The following ANO3 variants were observed in gnomAD, a reference collection of about 807,000 sequenced individuals.
The protein encoded by ANO3 is anoctamin 3, also known as anoctamin-3.
A neutral mutation model predicts 144.8 loss-of-function variants in ANO3; 99 were observed. The observed-to-expected ratio is 0.68, with a 90% CI of 0.58 to 0.81. The LOEUF is 0.81. Ranked by LOEUF, ANO3 falls within the 30% of genes least tolerant of loss-of-function variation. The probability of loss-of-function intolerance (pLI) is 0.00; values close to 1 mark genes in which losing one functional copy is unlikely to be tolerated. For synonymous variants in ANO3, 414 were observed against 392.6 expected, an observed-to-expected ratio of 1.05 and a Z score of -0.64; for missense variants, 905 against 1,202.2, an observed-to-expected ratio of 0.75 and a Z score of 3.66.
Position 26,534,565 on chromosome 11 carries a change from A to G in ANO3, c.976+3A>G. On this transcript the variant is annotated splice_donor_region_variant and intron_variant, in intron 9 of 26. Coordinates refer to ENST00000256737, the MANE Select transcript of ANO3 (RefSeq NM_031418.4). ...TGAAAATGGAATATCAAAAGTGGGT[A>G]AGAACATTAATTAATAACAGAGTAG... The G allele has an allele frequency of 1.9e-6, 3 of 1,591,206 alleles. No homozygotes were observed. Among genetic ancestry groups the G allele is most frequent in the East Asian group, 4.5e-5 (2 of 44,666 alleles).
chr11:26,493,749 C>G (rs901568028), intron 4 of ANO3, among the ~76,000 whole-genome samples: 1 of 152,128 alleles, frequency 6.6e-6, no homozygotes, highest in Non-Finnish European at 1.5e-5. Context: ...TCTAACTTGG[C>G]CTTCCTTTCT....
chr11:26,580,576 C>G (rs771090731), intron 14 of ANO3, among the ~76,000 whole-genome samples: 1 of 152,196 alleles, frequency 6.6e-6, no homozygotes, highest in South Asian at 2.1e-4. Flanking sequence ...AAAGAAGGCT[C>G]TGATAACTAT....
intron 1 of ANO3, among the ~76,000 whole-genome samples, chr11:26,204,422 C>G (rs1564915624): frequency 6.6e-6 from 1 of 152,116 alleles, no homozygotes; most frequent in South Asian, 2.1e-4. Context: ...GAGGACACCT[C>G]CAACTCTGTC....
At chr11:26,528,641 C>T (rs1400394790) in intron 7 of ANO3, among the ~76,000 whole-genome samples, 3 of 152,240 alleles carry the variant, frequency 2.0e-5, no homozygotes, top group African/African-American at 7.2e-5. Context: ...AATGGAATTA[C>T]TCTCTGTCTT....
At chr11:26,536,121 ACC>A (rs2134194082) in intron 9 of ANO3, among the ~76,000 whole-genome samples, 1 of 151,560 alleles carries the variant, frequency 6.6e-6, no homozygotes, top group Middle Eastern at 3.4e-3. Context: ...GGGGTTCAAG[ACC>A]AGCCTGGCCA....
At position 26,508,270 on chromosome 11, in the gene ANO3, C is replaced by T. The variant is rs951674802; in HGVS notation, c.591+8C>T. 2 of 1,576,842 alleles carry T rather than the reference C, an allele frequency of 1.3e-6. No homozygotes were observed. The highest frequency in any genetic ancestry group is 8.6e-7 in the Non-Finnish European group (1 of 1,169,220). ...TTGATGTTGGAGAAGGAGGTAGGTGCTTTACTATTATTAGTTATGTGATAA... is the reference window on the plus strand; with the variant it reads ...TTGATGTTGGAGAAGGAGGTAGGTGTTTTACTATTATTAGTTATGTGATAA... On this transcript the variant is annotated splice_region_variant and intron_variant, in intron 5 of 26. Transcript: ENST00000256737.
intron 22 of ANO3, among the ~76,000 whole-genome samples, chr11:26,642,266 C>G (rs1853181115): frequency 6.6e-6 from 1 of 151,832 alleles, no homozygotes; most frequent in South Asian, 2.1e-4. Context: ...CAGTGGAACA[C>G]CTATTTTATG....
chr11:26,634,106 A>T, intron 18 of ANO3, 98 bp from the exon 19 acceptor site: 1 of 592,206 alleles, frequency 1.7e-6, no homozygotes, highest in African/African-American at 1.9e-5. Flanking sequence ...AAATTAAATT[A>T]AAAAGACAAA....
At chr11:26,508,057 C>T in intron 4 of ANO3, 47 bp from the exon 5 acceptor site, 1 of 1,524,858 alleles carries the variant, frequency 6.6e-7, no homozygotes, top group Non-Finnish European at 8.7e-7. Flanking sequence ...CTAAAACATA[C>T]ATGCTTGTCT....
At chr11:26,425,534 T>A (rs78955513) in intron 1 of ANO3, among the ~76,000 whole-genome samples, 1,996 of 152,228 alleles carry the variant, frequency 0.013, 38 homozygotes, top group African/African-American at 0.045. Flanking sequence ...AAGGTAAATA[T>A]AACTACTGAA....
At chr11:26,375,300 C>T (rs749041899) in intron 1 of ANO3, among the ~76,000 whole-genome samples, 1 of 152,162 alleles carries the variant, frequency 6.6e-6, no homozygotes, top group Admixed American at 6.5e-5. Context: ...GTTTTGCTCA[C>T]TTGCCTGCCA....
At chr11:26,641,482 G>A (rs1273490623) in intron 21 of ANO3, among the ~76,000 whole-genome samples, 5 of 152,152 alleles carry the variant, frequency 3.3e-5, no homozygotes, top group Non-Finnish European at 5.9e-5. Flanking sequence ...GAAAGGGTCA[G>A]ACCTAATCAC....
intron 18 of ANO3, among the ~76,000 whole-genome samples, chr11:26,632,085 G>C (rs1401459009): frequency 6.6e-6 from 1 of 151,648 alleles, no homozygotes; most frequent in Non-Finnish European, 1.5e-5. Flanking sequence ...CCAGCTACTT[G>C]GGAGGCTGAA....
intron 1 of ANO3, among the ~76,000 whole-genome samples, chr11:26,325,075 C>A (rs1854851502): frequency 6.6e-6 from 1 of 151,982 alleles, no homozygotes; most frequent in Admixed American, 6.6e-5. Flanking sequence ...ATATACAAAC[C>A]CTTGTTTTTA....
Position 26,315,682 on chromosome 11 carries a change from TATCC to T in ANO3, c.-3+5967_-3+5970del, listed in dbSNP as rs1182158635. Among the ~76,000 whole-genome samples, 998 of 138,062 alleles carry T rather than the reference TATCC, an allele frequency of 7.2e-3. 14 individuals carry two copies. The highest frequency in any genetic ancestry group is 0.027 in the African/African-American group (948 of 35,176). The allele number at this position is 138,062 out of a possible 152,430, so 90.6% of individuals were successfully genotyped here. A position where few individuals can be genotyped will look rare whatever the true frequency, so the allele number is the denominator to read the frequency against. On this transcript the variant is annotated intron_variant, in intron 1 of 26. Coordinates refer to the ANO3 transcript ENST00000525139. ...CTGTCTATCTATCTATCTATCTATC[TATCC>T]ATCTATCTATCTATCTATCTATCTA...
chr11:26,496,089 C>A (rs1860927406), intron 4 of ANO3, among the ~76,000 whole-genome samples: 1 of 152,176 alleles, frequency 6.6e-6, no homozygotes, highest in Non-Finnish European at 1.5e-5. Flanking sequence ...TCCCCTGTTT[C>A]AGAGATTTTT....
chr11:26,518,084 A>T (rs559290523), intron 6 of ANO3, among the ~76,000 whole-genome samples: 1 of 152,130 alleles, frequency 6.6e-6, no homozygotes, highest in South Asian at 2.1e-4. Flanking sequence ...AATAAAATTT[A>T]AAAAAAGATA....
intron 1 of ANO3, among the ~76,000 whole-genome samples, chr11:26,346,044 T>A (rs1055088903): frequency 4.6e-5 from 7 of 152,196 alleles, no homozygotes; most frequent in African/African-American, 1.7e-4. Context: ...TCTGTCAATG[T>A]GCTGGCTATT....
At chr11:26,189,052 A>T (rs1418036235) in exon 1 of ANO3, 1 of 310,600 alleles carries the variant, frequency 3.2e-6, no homozygotes, top group Non-Finnish European at 4.7e-6. Context: ...TTCCAAGTGA[A>T]AATAATTACA....
Sources: allele counts gnomAD v4.1 joint callset (sites outside exome capture counted in the v4.1 genomes callset), GRCh38; gene constraint gnomAD v4.1.1; transcripts MANE v1.5; gene names NCBI Gene and HGNC (gene_info 2026-07-23, HGNC 2026-07-21).